Variants in ELMO1 observed in about 807,000 individuals in gnomAD.
ELMO1 encodes engulfment and cell motility 1.
ELMO1 carries 26 observed loss-of-function variants against 98.9 expected under a neutral mutation model. That is an observed-to-expected ratio of 0.26 (90% CI 0.19 to 0.36). The LOEUF (loss-of-function observed/expected upper bound fraction) is 0.36, where lower values mean the gene tolerates loss of function less well. Among genes scored for constraint, ELMO1 ranks in the 10% least tolerant of loss-of-function variants. ELMO1 has a pLI of 1.00. For missense variants in ELMO1, 627 were observed against 935.2 expected (o/e 0.67, Z 4.30); for synonymous variants, 346 against 346.0 (o/e 1.00, Z 0.00).
At position 37,342,513 on chromosome 7, in the gene ELMO1, A is replaced by G; in HGVS notation, c.78+100T>C. ...ATTGCACAGATTTTTCAACACAGCT[A>G]GAGAGAGAAAGGGAGAAGAGTGAGC... On this transcript the variant is annotated intron_variant, in intron 2 of 21. Coordinates refer to ENST00000310758, the MANE Select transcript of ELMO1 (RefSeq NM_014800.11). This position sits in a 1 kb window ranked among gnomAD's most constrained non-coding sequence, Gnocchi z 4.3. 8.3e-7 allele frequency: 1 copy of G among 1,198,506 alleles called. No individual in the cohort carries two copies. The highest frequency in any genetic ancestry group is 1.5e-5 in the African/African-American group (1 of 66,708). 74.2% of individuals were successfully genotyped at this position (1,198,506 alleles called of 1,614,324 possible). A position where few individuals can be genotyped will look rare whatever the true frequency, so the allele number is the denominator to read the frequency against.
At chr7:37,052,821 T>C (rs987684400) in intron 15 of ELMO1, among the ~76,000 whole-genome samples, 1 of 152,160 alleles carries the variant, frequency 6.6e-6, no homozygotes, top group Admixed American at 6.5e-5. Context: ...AACCTTAGCC[T>C]GGGAGGAAGC....
In ELMO1 at chr7:37,092,366, C is replaced by CTTTTTTTTTTTTTTTTTTTTT. The variant is rs537388417; in HGVS notation, c.1300+4232_1300+4252dup. 3.9e-4 allele frequency among the ~76,000 whole-genome samples: 27 copies of CTTTTTTTTTTTTTTTTTTTTT among 68,914 alleles called. 1 individual carries two copies. The highest frequency in any genetic ancestry group is 5.9e-4 in the South Asian group (1 of 1,704). The allele number at this position is 68,914 out of a possible 152,430, so 45.2% of individuals were successfully genotyped here. A position where few individuals can be genotyped will look rare whatever the true frequency, so the allele number is the denominator to read the frequency against. ...ACTTGCAAAAAAAATTACCCATATTCTTTTTTTTTTTTTTTTTTTTTTTTT... is the reference window on the plus strand; with the variant it reads ...ACTTGCAAAAAAAATTACCCATATTCTTTTTTTTTTTTTTTTTTTTTTTTTTTTTTTTTTTTTTTTTTTTTT... On this transcript the variant is annotated intron_variant, in intron 15 of 21. Coordinates refer to ENST00000310758, the MANE Select transcript of ELMO1 (RefSeq NM_014800.11).
rs546853356 is a variant in ELMO1 at position 37,376,463 on chromosome 7, C to T, written c.-73-33700G>A. On this transcript the variant is annotated intron_variant, in intron 1 of 21. Transcript: ENST00000310758. ...CTAATTGTTTTCATAGATAACATCA[C>T]GATTGTAAAACCTAAGATTGGTCTT... Among the ~76,000 whole-genome samples the T allele has an allele frequency of 3.4e-4, 52 of 152,274 alleles. 2 individuals carry two copies. Among genetic ancestry groups the T allele is most frequent in the African/African-American group, 1.0e-3 (43 of 41,538 alleles).
intron 16 of ELMO1, among the ~76,000 whole-genome samples, chr7:36,945,274 G>A (rs12531686): frequency 1.3e-5 from 2 of 152,138 alleles, no homozygotes; most frequent in African/African-American, 4.8e-5. Context: ...GTACCTTCTA[G>A]AATCCTCTGA....
At chr7:37,317,979 AT>A (rs913943496) in intron 2 of ELMO1, among the ~76,000 whole-genome samples, 2 of 152,252 alleles carry the variant, frequency 1.3e-5, no homozygotes, top group African/African-American at 4.8e-5. Context: ...AGTTAAAAAA[AT>A]AAATGAATGC....
chr7:37,334,040 T>C lies in ELMO1; in HGVS notation c.78+8573A>G, dbSNP rs1346963351. ...AGGGCTTCACAACAATGTTTTCAAA[T>C]GTAGGTCCAACAGCATGAGCATCAC... On this transcript the variant is annotated intron_variant, in intron 2 of 21. Transcript: ENST00000310758. Among the ~76,000 whole-genome samples, 4 of 152,326 alleles carry C rather than the reference T, an allele frequency of 2.6e-5. No homozygotes were observed. The East Asian group carries it at 7.7e-4, about 29-fold the overall frequency.
chr7:37,050,254 A>G (rs1796028991), intron 15 of ELMO1, among the ~76,000 whole-genome samples: 1 of 152,072 alleles, frequency 6.6e-6, no homozygotes, highest in East Asian at 1.9e-4. Context: ...TCATATTTCT[A>G]GTAGAGATGG....
At chr7:37,298,593 G>A (rs1048771567) in intron 4 of ELMO1, among the ~76,000 whole-genome samples, 2 of 146,544 alleles carry the variant, frequency 1.4e-5, no homozygotes, top group African/African-American at 5.1e-5. Context: ...AGAGAATGAT[G>A]ATTTCCAATT....
chr7:36,955,238 A>C (rs966354613), intron 16 of ELMO1, among the ~76,000 whole-genome samples: 1 of 151,984 alleles, frequency 6.6e-6, no homozygotes, highest in Non-Finnish European at 1.5e-5. Flanking sequence ...CTCAGCTCAA[A>C]TCTTTTTTTC....
At chr7:36,984,591 G>A (rs1791358827) in intron 16 of ELMO1, among the ~76,000 whole-genome samples, 1 of 152,196 alleles carries the variant, frequency 6.6e-6, no homozygotes, top group Non-Finnish European at 1.5e-5. Context: ...AAGACCCACA[G>A]CATTCTCCTG....
At chr7:36,879,037 C>T (rs1488835265) in intron 18 of ELMO1, among the ~76,000 whole-genome samples, 4 of 152,244 alleles carry the variant, frequency 2.6e-5, no homozygotes, top group Non-Finnish European at 5.9e-5. Flanking sequence ...TTGGCTTGGA[C>T]TGGCAATATT....
intron 13 of ELMO1, among the ~76,000 whole-genome samples, chr7:37,188,025 TA>T (rs1370313747): frequency 6.6e-6 from 1 of 151,536 alleles, no homozygotes; most frequent in Non-Finnish European, 1.5e-5. Flanking sequence ...TCACAGAGTT[TA>T]AAAAAAAGCA....
chr7:37,325,404 C>CT (rs1469071755), intron 2 of ELMO1, among the ~76,000 whole-genome samples: 1 of 151,984 alleles, frequency 6.6e-6, no homozygotes, highest in African/African-American at 2.4e-5. Context: ...TTTAGATTCT[C>CT]TTTTTTTTCT....
intron 20 of ELMO1, among the ~76,000 whole-genome samples, chr7:36,862,852 T>G (rs1435989178): frequency 6.6e-6 from 1 of 152,132 alleles, no homozygotes; most frequent in Non-Finnish European, 1.5e-5. Context: ...TTCACATCAT[T>G]CTCTACCTTA....
At chr7:37,105,582 C>T (rs1784898679) in intron 14 of ELMO1, among the ~76,000 whole-genome samples, 1 of 152,218 alleles carries the variant, frequency 6.6e-6, no homozygotes, top group Non-Finnish European at 1.5e-5. Flanking sequence ...CTGGGGTGTA[C>T]TCACGAATCT....
At chr7:36,860,150 G>A (rs1419579778) in intron 21 of ELMO1, among the ~76,000 whole-genome samples, 2 of 152,156 alleles carry the variant, frequency 1.3e-5, no homozygotes, top group Non-Finnish European at 2.9e-5. Context: ...TGAATCAACT[G>A]CTTATGCTAT....
intron 15 of ELMO1, among the ~76,000 whole-genome samples, chr7:37,062,739 T>C (rs1287360055): frequency 6.6e-6 from 1 of 152,176 alleles, no homozygotes; most frequent in Non-Finnish European, 1.5e-5. Context: ...AATTAAGTTA[T>C]GAAAATTAAT....
At chr7:37,148,715 A>G (rs994734167) in intron 13 of ELMO1, among the ~76,000 whole-genome samples, 1 of 152,212 alleles carries the variant, frequency 6.6e-6, no homozygotes, top group Non-Finnish European at 1.5e-5. Flanking sequence ...TACTCAGCTG[A>G]GTGCATGGGG....
chr7:37,081,668 T>C (rs941201616), intron 15 of ELMO1, among the ~76,000 whole-genome samples: 12 of 152,328 alleles, frequency 7.9e-5, no homozygotes, highest in Admixed American at 5.9e-4. Context: ...GACGTGCCTT[T>C]TGCCTTGGGC....
Sources: allele counts gnomAD v4.1 joint callset (sites outside exome capture counted in the v4.1 genomes callset), GRCh38; gene constraint gnomAD v4.1.1; non-coding constraint Gnocchi (gnomAD v3.1); transcripts MANE v1.5; gene names NCBI Gene and HGNC (gene_info 2026-07-23, HGNC 2026-07-21).